The following CAMK2D variants were observed in gnomAD, a reference collection of about 807,000 sequenced individuals.
CAMK2D encodes calcium/calmodulin dependent protein kinase II delta, also known as calcium/calmodulin-dependent protein kinase type II subunit delta.
In CAMK2D, 37 loss-of-function variants were observed where a neutral mutation model predicts 84.0. The observed-to-expected ratio is 0.44, with a 90% CI of 0.34 to 0.58. CAMK2D has a LOEUF of 0.58. Ranked by LOEUF, CAMK2D falls within the 20% of genes least tolerant of loss-of-function variation. The pLI, the probability that CAMK2D is intolerant of heterozygous loss-of-function variation, is 0.02. For missense variants in CAMK2D, 448 were observed against 652.5 expected (o/e 0.69, Z 3.41); for synonymous variants, 202 against 212.5 (o/e 0.95, Z 0.43).
intron 4 of CAMK2D, among the ~76,000 whole-genome samples, chr4:113,600,963 C>T (rs2098949523): frequency 6.6e-6 from 1 of 152,110 alleles, no homozygotes; most frequent in Non-Finnish European, 1.5e-5. Flanking sequence ...AGAAGAAATC[C>T]TTATTCTCAT....
intron 16 of CAMK2D, among the ~76,000 whole-genome samples, chr4:113,497,354 AGAAACAGCC>A (rs2097951117): frequency 6.6e-6 from 1 of 152,232 alleles, no homozygotes. Flanking sequence ...TGCTGAATGA[AGAAACAGCC>A]TAGACACAAT....
intron 2 of CAMK2D, among the ~76,000 whole-genome samples, chr4:113,737,933 C>G (rs1381479599): frequency 6.6e-6 from 1 of 152,068 alleles, no homozygotes; most frequent in Non-Finnish European, 1.5e-5. Context: ...TAGAATCACT[C>G]ATTTTTAATT....
At chr4:113,564,695 T>C (rs1460075661) in intron 4 of CAMK2D, among the ~76,000 whole-genome samples, 1 of 152,196 alleles carries the variant, frequency 6.6e-6, no homozygotes, top group East Asian at 1.9e-4. Flanking sequence ...AAAGGGAAGA[T>C]GCAATATGAA....
intron 2 of CAMK2D, chr4:113,754,197 C>T (rs1419040591): frequency 6.9e-5 from 66 of 958,428 alleles, no homozygotes; most frequent in Non-Finnish European, 7.4e-5. Flanking sequence ...TTAACACAGC[C>T]TCTATATAAT....
chr4:113,746,987 T>TATAC (rs2099605691), intron 2 of CAMK2D, among the ~76,000 whole-genome samples: 1 of 149,580 alleles, frequency 6.7e-6, no homozygotes, highest in South Asian at 2.1e-4. Flanking sequence ...AATATATATA[T>TATAC]ATATATACAT....
At chr4:113,581,954 G>C (rs1261767727) in intron 4 of CAMK2D, among the ~76,000 whole-genome samples, 1 of 152,122 alleles carries the variant, frequency 6.6e-6, no homozygotes, top group Admixed American at 6.5e-5. Context: ...CCCTTTCCAT[G>C]ACGAGAAAGG....
At chr4:113,531,679 C>T (rs1206114474) in intron 7 of CAMK2D, among the ~76,000 whole-genome samples, 1 of 152,082 alleles carries the variant, frequency 6.6e-6, no homozygotes, top group South Asian at 2.1e-4. Context: ...AGATATAAGT[C>T]GAAAATATAT....
intron 4 of CAMK2D, among the ~76,000 whole-genome samples, chr4:113,607,805 C>A (rs745312647): frequency 1.3e-4 from 20 of 152,076 alleles, no homozygotes; most frequent in Middle Eastern, 3.4e-3. Context: ...CACATGGATG[C>A]GCATGACACT....
intron 4 of CAMK2D, among the ~76,000 whole-genome samples, chr4:113,577,154 T>C (rs1197890807): frequency 6.6e-6 from 1 of 152,210 alleles, no homozygotes; most frequent in African/African-American, 2.4e-5. Flanking sequence ...TTTTTACTGC[T>C]GTGGTTTTCA....
chr4:113,642,741 T>C (rs544868839), intron 3 of CAMK2D, among the ~76,000 whole-genome samples: 1 of 152,234 alleles, frequency 6.6e-6, no homozygotes, highest in East Asian at 1.9e-4. Flanking sequence ...TTTTTCTTTT[T>C]TTTTTTTCAA....
At chr4:113,545,316 G>A (rs1427784205) in intron 6 of CAMK2D, among the ~76,000 whole-genome samples, 2 of 152,100 alleles carry the variant, frequency 1.3e-5, no homozygotes, top group Non-Finnish European at 2.9e-5. Context: ...TGATAAACAT[G>A]ACATTTCCTG....
intron 8 of CAMK2D, among the ~76,000 whole-genome samples, chr4:113,528,541 A>G (rs902910322): frequency 6.6e-6 from 1 of 152,136 alleles, no homozygotes; most frequent in African/African-American, 2.4e-5. Flanking sequence ...CCTTTGATGA[A>G]GCAGGCAAAG....
intron 4 of CAMK2D, among the ~76,000 whole-genome samples, chr4:113,608,254 A>G (rs975764029): frequency 1.3e-5 from 2 of 152,228 alleles, no homozygotes; most frequent in Non-Finnish European, 2.9e-5. Context: ...TACTGAATTA[A>G]CCAAACCTAG....
intron 2 of CAMK2D, among the ~76,000 whole-genome samples, chr4:113,727,956 C>A (rs1487409965): frequency 6.6e-6 from 1 of 152,132 alleles, no homozygotes; most frequent in African/African-American, 2.4e-5. Context: ...ATTAAAACCA[C>A]ACTGAGATAC....
intron 2 of CAMK2D, among the ~76,000 whole-genome samples, chr4:113,726,739 G>T (rs1271183426): frequency 6.6e-6 from 1 of 151,912 alleles, no homozygotes; most frequent in Non-Finnish European, 1.5e-5. Flanking sequence ...TGTTTTATGA[G>T]AATACTAGTG....
At chr4:113,631,813 A>G (rs969113460) in intron 3 of CAMK2D, among the ~76,000 whole-genome samples, 2 of 152,214 alleles carry the variant, frequency 1.3e-5, no homozygotes, top group Non-Finnish European at 2.9e-5. Flanking sequence ...ATACACGTCA[A>G]CACTAAGTGA....
intron 16 of CAMK2D, among the ~76,000 whole-genome samples, chr4:113,484,464 T>G (rs1198245699): frequency 2.0e-5 from 3 of 152,038 alleles, no homozygotes; most frequent in African/African-American, 7.2e-5. Flanking sequence ...CAAACATAGT[T>G]GCAATGTCCT....
chr4:113,466,961 T>C (rs926186956), intron 16 of CAMK2D, among the ~76,000 whole-genome samples: 4 of 152,246 alleles, frequency 2.6e-5, no homozygotes, highest in Non-Finnish European at 5.9e-5. Flanking sequence ...ACATTTTATT[T>C]TCTTGTATAG....
intron 2 of CAMK2D, among the ~76,000 whole-genome samples, chr4:113,722,684 C>T (rs1452427332): frequency 1.3e-5 from 2 of 151,966 alleles, no homozygotes; most frequent in Non-Finnish European, 2.9e-5. Flanking sequence ...TGGAAGTGTC[C>T]TGGGCAAAAC....
Sources: gnomAD v4.1 joint callset for allele counts (sites outside exome capture counted in the v4.1 genomes callset) on GRCh38, gnomAD v4.1.1 for gene constraint, MANE v1.5 for transcripts, NCBI Gene and HGNC (gene_info 2026-07-23, HGNC 2026-07-21) for gene names.